PLEKHG4B: variants seen among roughly 807,000 people sequenced by gnomAD.
PLEKHG4B encodes the protein pleckstrin homology domain-containing family G member 4B.
In PLEKHG4B, 111 loss-of-function variants were observed where a neutral mutation model predicts 121.3. That is an observed-to-expected ratio of 0.92 (90% CI 0.78 to 1.07). PLEKHG4B has a LOEUF of 1.07. PLEKHG4B is among the 50% of genes least tolerant of loss of function. The pLI is 0.00. For synonymous variants in PLEKHG4B, 738 were observed against 725.0 expected (o/e 1.02, Z -0.29); for missense variants, 1,831 against 1,757.8 (o/e 1.04, Z -0.74).
chr5:109,145 C>T (rs1030949596), intron 1 of PLEKHG4B, among the ~76,000 whole-genome samples: 7 of 152,134 alleles, frequency 4.6e-5, no homozygotes, highest in African/African-American at 7.2e-5. Flanking sequence ...CTGCTGCCCA[C>T]GGATGTCTTG....
chr5:150,301 C>T (rs982760261), intron 6 of PLEKHG4B, among the ~76,000 whole-genome samples: 1 of 152,130 alleles, frequency 6.6e-6, no homozygotes, highest in African/African-American at 2.4e-5. Flanking sequence ...TCAGAGTAGC[C>T]CAGATCCCAG....
In PLEKHG4B at chr5:181,538, C is replaced by G; in HGVS notation, c.4427C>G (p.Ser1476Cys). ...GAACTCAGAATCCAAGAAATGGCAT[C>G]CATGGGTATAGGCAACCAGCCATTC... ...SRELRIQEMA[S>C]MGIGNQPFMD... Residue 1476 changes from serine to cysteine, a missense_variant, in exon 19 of 20, where the codon TCC becomes TGC. Physicochemically the swap from Ser to Cys is moderately radical, Grantham distance 112. Coordinates refer to ENST00000637938, the MANE Select transcript of PLEKHG4B (RefSeq NM_052909.5). 1 of 1,613,968 alleles carries G rather than the reference C, an allele frequency of 6.2e-7. No individual in the cohort carries two copies. Among genetic ancestry groups the G allele is most frequent in the South Asian group, 1.1e-5 (1 of 91,082 alleles).
chr5:158,761 TCC>T (rs1735890305), intron 11 of PLEKHG4B, among the ~76,000 whole-genome samples: 2 of 144,156 alleles, frequency 1.4e-5, no homozygotes, highest in South Asian at 4.4e-4. Flanking sequence ...CTCCCCCATC[TCC>T]CCTCCTCCCT....
chr5:152,569 C>T (rs1487011922), intron 7 of PLEKHG4B, among the ~76,000 whole-genome samples: 3 of 152,116 alleles, frequency 2.0e-5, no homozygotes, highest in Non-Finnish European at 2.9e-5. Context: ...ACTTCAATTG[C>T]GTATACCAGT....
chr5:162,559 C>T (rs111665216), intron 12 of PLEKHG4B, among the ~76,000 whole-genome samples, 163 bp from the exon 13 acceptor site: 14,606 of 152,316 alleles, frequency 0.096, 856 homozygotes, highest in Admixed American at 0.13. Flanking sequence ...TGCCCTTCCG[C>T]TGAACCCGGC....
intron 2 of PLEKHG4B, among the ~76,000 whole-genome samples, chr5:114,036 A>G (rs1052121261): frequency 5.3e-5 from 8 of 152,254 alleles, no homozygotes; most frequent in African/African-American, 1.9e-4. Flanking sequence ...CTAAGTGTGC[A>G]GTAGCATTAG....
chr5:110,669 A>C (rs1734129928), intron 1 of PLEKHG4B, among the ~76,000 whole-genome samples: 1 of 151,884 alleles, frequency 6.6e-6, no homozygotes, highest in Non-Finnish European at 1.5e-5. Flanking sequence ...ACACACGTGC[A>C]CGCACCCACA....
At chr5:147,981 T>C (rs1233811595) in intron 6 of PLEKHG4B, among the ~76,000 whole-genome samples, 1 of 152,070 alleles carries the variant, frequency 6.6e-6, no homozygotes, top group Non-Finnish European at 1.5e-5. Flanking sequence ...GAAAAACACA[T>C]GATCATCTCA....
At chr5:174,982 G>C (rs1441912135) in intron 18 of PLEKHG4B, among the ~76,000 whole-genome samples, 2 of 152,118 alleles carry the variant, frequency 1.3e-5, no homozygotes, top group Non-Finnish European at 2.9e-5. Context: ...GGCCCACCCG[G>C]TCTGGGGCAC....
intron 2 of PLEKHG4B, among the ~76,000 whole-genome samples, chr5:114,436 C>T (rs1431885257): frequency 6.6e-6 from 1 of 152,136 alleles, no homozygotes; most frequent in Non-Finnish European, 1.5e-5. Flanking sequence ...GCATCTTCAT[C>T]AGGAGCAGAT....
chr5:178,458 A>G (rs951100214), intron 18 of PLEKHG4B, among the ~76,000 whole-genome samples: 1 of 152,228 alleles, frequency 6.6e-6, no homozygotes, highest in African/African-American at 2.4e-5. Flanking sequence ...TGTAGTTGTT[A>G]TTGCAGAGTT....
chr5:139,892 A>G lies in PLEKHG4B; in HGVS notation c.653A>G (p.Glu218Gly), dbSNP rs1356012414. The change falls in exon 3 of 20, where the codon GAG becomes GGG. Residue 218 changes from glutamate to glycine, a missense_variant. Glu to Gly is a moderately conservative substitution (Grantham distance 98, BLOSUM62 -2). Coordinates refer to ENST00000637938, the MANE Select transcript of PLEKHG4B (RefSeq NM_052909.5). This position sits in a 1 kb window ranked among gnomAD's most constrained non-coding sequence, Gnocchi z 5.0. Reference protein sequence around the residue: ...LQSYSSCTGPERLPSSPSEAP... With the variant: ...LQSYSSCTGPGRLPSSPSEAP... ...AGCTACTCCAGCTGCACAGGTCCTG[A>G]GCGGCTGCCCAGCAGCCCCTCAGAG... 2 of 402,708 alleles carry G rather than the reference A, an allele frequency of 5.0e-6. No homozygotes were observed. The highest frequency in any genetic ancestry group is 7.1e-5 in the East Asian group (2 of 28,080). 24.9% of individuals were successfully genotyped at this position (402,708 alleles called of 1,614,324 possible). A position where few individuals can be genotyped will look rare whatever the true frequency, so the allele number is the denominator to read the frequency against.
intron 1 of PLEKHG4B, among the ~76,000 whole-genome samples, chr5:95,097 G>A (rs951258125): frequency 6.6e-6 from 1 of 152,158 alleles, no homozygotes; most frequent in African/African-American, 2.4e-5. Flanking sequence ...CAAAGACAAA[G>A]CTTTTGAATT....
chr5:136,830 C>T (rs1023731773), intron 2 of PLEKHG4B, among the ~76,000 whole-genome samples: 2 of 152,160 alleles, frequency 1.3e-5, no homozygotes, highest in Non-Finnish European at 1.5e-5. Context: ...CAGAATCACC[C>T]TATGATCCAG....
At chr5:151,437 C>A in intron 6 of PLEKHG4B, 76 bp from the exon 7 acceptor site, 1 of 973,822 alleles carries the variant, frequency 1.0e-6, no homozygotes, top group Admixed American at 2.4e-5. Context: ...TAGTACCACT[C>A]AAAATTGGGC....
At chr5:176,606 T>A (rs1419063873) in intron 18 of PLEKHG4B, among the ~76,000 whole-genome samples, 1 of 152,168 alleles carries the variant, frequency 6.6e-6, no homozygotes, top group African/African-American at 2.4e-5. Context: ...CCAAGGAAGA[T>A]TGCTTTAACA....
Position 173,115 on chromosome 5 carries a change from A to G in PLEKHG4B, c.4221+48A>G, listed in dbSNP as rs369805915. ...GGGTGCAGGCCGAGCCAGGCCCTCC[A>G]AGGGGGTCTCGGACCCTTGTCTCAC... On this transcript the variant is annotated intron_variant, in intron 17 of 19. Coordinates refer to ENST00000637938, the MANE Select transcript of PLEKHG4B (RefSeq NM_052909.5). The G allele has an allele frequency of 6.3e-6, 10 of 1,586,870 alleles. No homozygotes were observed. In the African/African-American group the frequency reaches 1.3e-4, roughly 21 times the overall value.
chr5:182,442 G>T lies in PLEKHG4B; in HGVS notation c.*119G>T. 2.1e-6 allele frequency: 2 copies of T among 937,266 alleles called. No individual in the cohort carries two copies. Among genetic ancestry groups the T allele is most frequent in the South Asian group, 1.7e-5 (1 of 59,006 alleles). The allele number at this position is 937,266 out of a possible 1,614,324, so 58.1% of individuals were successfully genotyped here. A position where few individuals can be genotyped will look rare whatever the true frequency, so the allele number is the denominator to read the frequency against. On this transcript the variant is annotated 3_prime_UTR_variant, in exon 20 of 20. Coordinates refer to ENST00000637938, the MANE Select transcript of PLEKHG4B (RefSeq NM_052909.5). ...TCGCGTGGCTGGAACGATCCAGAGG[G>T]AATAGCACAGCAGGTGTCCAGGTAT...
chr5:152,146 T>TA (rs1401874105), intron 7 of PLEKHG4B, among the ~76,000 whole-genome samples: 1 of 152,180 alleles, frequency 6.6e-6, no homozygotes, highest in South Asian at 2.1e-4. Flanking sequence ...GCTTGAACGT[T>TA]AAATTTGTGA....
Sources: allele counts gnomAD v4.1 joint callset (sites outside exome capture counted in the v4.1 genomes callset), GRCh38; gene constraint gnomAD v4.1.1; non-coding constraint Gnocchi (gnomAD v3.1); transcripts MANE v1.5; gene names NCBI Gene and HGNC (gene_info 2026-07-23, HGNC 2026-07-21).